SH3RF3: variants seen among roughly 807,000 people sequenced by gnomAD.
The protein encoded by SH3RF3 is SH3 domain containing ring finger 3.
Under a neutral mutation model 66.3 loss-of-function variants are expected in SH3RF3, and 29 were observed. The observed-to-expected ratio is 0.44, with a 90% CI of 0.33 to 0.60. The LOEUF is 0.60. Among genes scored for constraint, SH3RF3 ranks in the 20% least tolerant of loss-of-function variants. The pLI, the probability that SH3RF3 is intolerant of heterozygous loss-of-function variation, is 0.04. For synonymous variants in SH3RF3, 583 were observed against 532.0 expected, an observed-to-expected ratio of 1.10 and a Z score of -1.32; for missense variants, 1,194 against 1,190.9, an observed-to-expected ratio of 1.00 and a Z score of -0.04.
chr2:109,406,454 G>A (rs1029539460), intron 4 of SH3RF3, among the ~76,000 whole-genome samples: 5 of 152,098 alleles, frequency 3.3e-5, no homozygotes, highest in African/African-American at 1.2e-4. Flanking sequence ...CACGTTCTCG[G>A]AGGCACCAAG....
chr2:109,297,707 T>C (rs1378263040), intron 1 of SH3RF3, among the ~76,000 whole-genome samples: 2 of 144,556 alleles, frequency 1.4e-5, no homozygotes, highest in Non-Finnish European at 3.0e-5. Flanking sequence ...ATTCTGCCCA[T>C]GCCCCCCAAC....
At chr2:109,382,050 G>C (rs1438273684) in intron 3 of SH3RF3, among the ~76,000 whole-genome samples, 3 of 152,158 alleles carry the variant, frequency 2.0e-5, no homozygotes, top group Non-Finnish European at 1.5e-5. Flanking sequence ...AAACTGGCTT[G>C]AGGTCTGCAG....
intron 1 of SH3RF3, among the ~76,000 whole-genome samples, chr2:109,200,330 C>A (rs772257211): frequency 6.6e-6 from 1 of 152,196 alleles, no homozygotes; most frequent in East Asian, 1.9e-4. Context: ...GCAGAACTCA[C>A]TAGCAGCCTC....
chr2:109,129,988 G>T lies in SH3RF3; in HGVS notation c.448G>T (p.Ala150Ser). The change falls in exon 1 of 10, where the codon GCG (alanine) becomes TCG (serine). Residue 150 changes from alanine (A) to serine (S), a missense_variant. Ala to Ser is a moderately conservative substitution (Grantham distance 99, BLOSUM62 1). Coordinates refer to ENST00000309415, the MANE Select transcript of SH3RF3 (RefSeq NM_001099289.3). Reference protein sequence around the residue: ...IPGQSAAPTLAGGGGGAAGST... With the variant: ...IPGQSAAPTLSGGGGGAAGST... ...AGGCCAGAGTGCGGCCCCCACGCTC[G>T]CGGGCGGCGGGGGCGGCGCGGCAGG... 7.7e-7 allele frequency: 1 copy of T among 1,296,364 alleles called. No individual in the cohort carries two copies. Among genetic ancestry groups the T allele is most frequent in the Middle Eastern group, 2.9e-4 (1 of 3,394 alleles). 80.3% of individuals were successfully genotyped at this position (1,296,364 alleles called of 1,614,324 possible). A position where few individuals can be genotyped will look rare whatever the true frequency, so the allele number is the denominator to read the frequency against.
rs145199397 is a variant in SH3RF3, at chr2:109,289,137, T to TAA, written c.574-58537_574-58536insAA. 5.3e-5 allele frequency among the ~76,000 whole-genome samples: 8 copies of TAA among 152,184 alleles called. No individual in the cohort carries two copies. In the East Asian group the frequency reaches 1.4e-3, roughly 26 times the overall value. ...TCCAAGCTGTCATATGAAAAGAAAA[T>TAA]TATTAACTATCTCCTCCTCCATCCC... On this transcript the variant is annotated intron_variant, in intron 1 of 9. Transcript: ENST00000309415.
chr2:109,251,282 C>T, intron 1 of SH3RF3: 3 of 360,326 alleles, frequency 8.3e-6, no homozygotes, highest in South Asian at 7.4e-5. Context: ...GGATTAATTA[C>T]AGGCGTGAGC....
chr2:109,256,317 G>A (rs1356045561), intron 1 of SH3RF3, among the ~76,000 whole-genome samples: 1 of 152,230 alleles, frequency 6.6e-6, no homozygotes, highest in East Asian at 1.9e-4. Context: ...ACGCTGTGAC[G>A]TAGTCCTGGG....
intron 8 of SH3RF3, among the ~76,000 whole-genome samples, chr2:109,467,459 G>C (rs555903948): frequency 6.6e-6 from 1 of 152,202 alleles, no homozygotes; most frequent in Non-Finnish European, 1.5e-5. Context: ...AGCAGCTCGG[G>C]GGTTTCCTGG....
chr2:109,359,470 A>G (rs189623270), intron 2 of SH3RF3, among the ~76,000 whole-genome samples: 4 of 152,294 alleles, frequency 2.6e-5, no homozygotes, highest in Admixed American at 2.6e-4. Context: ...TTTTCCCTAT[A>G]TACATCTTGC....
chr2:109,203,886 C>T (rs1678745694), intron 1 of SH3RF3, among the ~76,000 whole-genome samples: 1 of 152,232 alleles, frequency 6.6e-6, no homozygotes, highest in African/African-American at 2.4e-5. Context: ...CCCTGTGCGG[C>T]CTGGCAGCCC....
intron 1 of SH3RF3, among the ~76,000 whole-genome samples, chr2:109,341,600 A>T (rs1255607594): frequency 2.0e-5 from 3 of 152,200 alleles, no homozygotes; most frequent in African/African-American, 7.2e-5. Context: ...GATAAGATCA[A>T]GTTTCCTTTT....
intron 1 of SH3RF3, among the ~76,000 whole-genome samples, chr2:109,253,594 C>A (rs112653139): frequency 0.02 from 3,018 of 152,212 alleles, 109 homozygotes; most frequent in African/African-American, 0.068. Flanking sequence ...CTTATTCTGA[C>A]TAATTTAACA....
At chr2:109,377,020 G>A (rs534818948) in intron 3 of SH3RF3, among the ~76,000 whole-genome samples, 4 of 152,376 alleles carry the variant, frequency 2.6e-5, no homozygotes, top group Admixed American at 6.5e-5. Context: ...AAGGAACAGA[G>A]AGCCGCTCAG....
intron 8 of SH3RF3, among the ~76,000 whole-genome samples, chr2:109,458,572 C>CAGAGAG (rs70958708): frequency 0.019 from 2,309 of 123,004 alleles, 126 homozygotes; most frequent in African/African-American, 0.051. Context: ...CAGCAGGAGA[C>CAGAGAG]AGAGAGAGAG....
chr2:109,264,217 C>A (rs1574537796), intron 1 of SH3RF3, among the ~76,000 whole-genome samples: 1 of 147,384 alleles, frequency 6.8e-6, no homozygotes, highest in Admixed American at 6.8e-5. Flanking sequence ...CCCCAGGATC[C>A]ACTCCGAGTC....
At chr2:109,317,596 A>G (rs7601974) in intron 1 of SH3RF3, among the ~76,000 whole-genome samples, 40,566 of 152,064 alleles carry the variant, frequency 0.27, 6,073 homozygotes, top group East Asian at 0.65. Flanking sequence ...AGAACAGTCA[A>G]AGTCCACCTT....
At chr2:109,484,067 CT>C (rs562496561) in intron 8 of SH3RF3, among the ~76,000 whole-genome samples, 35,377 of 94,136 alleles carry the variant, frequency 0.38, 4,155 homozygotes, top group Non-Finnish European at 0.4. Context: ...TCTGGCCTTT[CT>C]TTTTTTTTTT....
In SH3RF3 at chr2:109,226,538, G is replaced by A. The variant is rs1456307409; in HGVS notation, c.573+96425G>A. ...CCACTTCTTTTTAAGTCCCTTTAAA[G>A]TTTAGATTTTTACTGTTCTTAGGGT... is the stretch of plus-strand genomic sequence containing the variant. On this transcript the variant is annotated intron_variant, in intron 1 of 9. Transcript: ENST00000309415. Among the ~76,000 whole-genome samples the A allele has an allele frequency of 2.6e-5, 4 of 152,292 alleles. No individual in the cohort carries two copies. The East Asian group carries it at 7.7e-4, about 29-fold the overall frequency.
intron 3 of SH3RF3, among the ~76,000 whole-genome samples, chr2:109,375,783 T>C (rs982798135): frequency 3.3e-5 from 5 of 152,200 alleles, no homozygotes; most frequent in Admixed American, 3.3e-4. Context: ...CTGCTTGGGG[T>C]CAGGCCTCGG....
Sources: gnomAD v4.1 joint callset for allele counts (sites outside exome capture counted in the v4.1 genomes callset) on GRCh38, gnomAD v4.1.1 for gene constraint, MANE v1.5 for transcripts, NCBI Gene and HGNC (gene_info 2026-07-23, HGNC 2026-07-21) for gene names.